The following TDRD3 variants were observed in gnomAD, a reference collection of about 807,000 sequenced individuals.
TDRD3 encodes the protein tudor domain-containing protein 3.
In TDRD3, 45 loss-of-function variants were observed where a neutral mutation model predicts 86.7. The ratio of observed to expected loss-of-function variants is 0.52; its 90% confidence interval spans 0.41 to 0.67. The LOEUF is 0.67. Ranked by LOEUF, TDRD3 falls within the 30% of genes least tolerant of loss-of-function variation. The pLI is 0.00. For synonymous variants in TDRD3, 298 were observed against 301.7 expected, an observed-to-expected ratio of 0.99 and a Z score of 0.13; for missense variants, 814 against 889.0, an observed-to-expected ratio of 0.92 and a Z score of 1.07.
chr13:60,512,637 C>T (rs1471819280), intron 10 of TDRD3, among the ~76,000 whole-genome samples: 1 of 152,142 alleles, frequency 6.6e-6, no homozygotes, highest in African/African-American at 2.4e-5. Context: ...AACAAAGGGG[C>T]TACAGGCCCC....
intron 1 of TDRD3, among the ~76,000 whole-genome samples, chr13:60,419,473 C>T (rs183229212): frequency 1.9e-4 from 29 of 152,238 alleles, no homozygotes; most frequent in African/African-American, 4.6e-4. Context: ...AGTTCATGTC[C>T]TTTGCAGGGA....
intron 13 of TDRD3, among the ~76,000 whole-genome samples, chr13:60,568,800 A>T (rs917804893): frequency 3.3e-5 from 5 of 152,236 alleles, no homozygotes; most frequent in African/African-American, 1.2e-4. Context: ...AGGAAGAGTC[A>T]AATTATTCTT....
intron 1 of TDRD3, among the ~76,000 whole-genome samples, chr13:60,429,869 G>T (rs981225177): frequency 2.0e-5 from 3 of 151,664 alleles, no homozygotes; most frequent in Admixed American, 6.6e-5. Context: ...CCAGATTTTT[G>T]AATATCATTA....
chr13:60,486,238 A>G (rs1956432661), intron 7 of TDRD3, among the ~76,000 whole-genome samples: 1 of 152,006 alleles, frequency 6.6e-6, no homozygotes, highest in African/African-American at 2.4e-5. Flanking sequence ...AACTGAACAC[A>G]CTTTTTATTC....
At position 60,460,554 on chromosome 13, in the gene TDRD3, T is replaced by G. The variant is rs1410811643; in HGVS notation, c.353+14T>G. On this transcript the variant is annotated intron_variant, in intron 4 of 13. Coordinates refer to ENST00000377881, the MANE Select transcript of TDRD3 (RefSeq NM_001146070.2). Reference sequence around the variant, plus strand: ...GTCAAAAATAAGGTGATTGGCACTTTATTTTGTGTATTTGTTACAGAATGT... The same window carrying G: ...GTCAAAAATAAGGTGATTGGCACTTGATTTTGTGTATTTGTTACAGAATGT... 2 of 1,526,088 alleles carry G rather than the reference T, an allele frequency of 1.3e-6. No homozygotes were observed. Among genetic ancestry groups the G allele is most frequent in the African/African-American group, 2.9e-5 (2 of 69,384 alleles). The allele number at this position is 1,526,088 out of a possible 1,614,324, so 94.5% of individuals were successfully genotyped here.
chr13:60,487,235 C>T (rs1315784313), intron 7 of TDRD3, among the ~76,000 whole-genome samples: 8 of 152,102 alleles, frequency 5.3e-5, no homozygotes, highest in African/African-American at 1.9e-4. Context: ...GTGGCTCATG[C>T]CTGTAACCCC....
At chr13:60,495,991 T>G (rs934309573) in intron 8 of TDRD3, among the ~76,000 whole-genome samples, 3 of 151,984 alleles carry the variant, frequency 2.0e-5, no homozygotes, top group African/African-American at 7.3e-5. Flanking sequence ...GTGAGGGTGT[T>G]GCCAAAGGAG....
At chr13:60,568,938 A>G (rs1213449457) in intron 13 of TDRD3, among the ~76,000 whole-genome samples, 7 of 152,226 alleles carry the variant, frequency 4.6e-5, no homozygotes, top group African/African-American at 2.4e-5. Context: ...TACTATTTCT[A>G]TATGTCAACC....
chr13:60,467,428 A>G (rs757021268), intron 5 of TDRD3, 49 bp downstream of exon 5: 24 of 1,594,872 alleles, frequency 1.5e-5, no homozygotes, highest in South Asian at 1.1e-5. Context: ...ACTCTTTTTT[A>G]TTGCATTAAA....
intron 12 of TDRD3, among the ~76,000 whole-genome samples, chr13:60,563,213 G>A (rs1308370365): frequency 6.8e-6 from 1 of 146,158 alleles, no homozygotes; most frequent in Non-Finnish European, 1.5e-5. Context: ...GGGTGACAGA[G>A]CAAGACTCCA....
intron 7 of TDRD3, among the ~76,000 whole-genome samples, chr13:60,491,539 G>C (rs1323100204): frequency 6.6e-6 from 1 of 152,164 alleles, no homozygotes; most frequent in Non-Finnish European, 1.5e-5. Context: ...GATAAAAACA[G>C]ACAATGCAGA....
intron 10 of TDRD3, among the ~76,000 whole-genome samples, chr13:60,519,197 A>T (rs1405512013): frequency 6.6e-6 from 1 of 152,140 alleles, no homozygotes; most frequent in East Asian, 1.9e-4. Context: ...TCGCTTATAC[A>T]TTTATTAACC....
intron 7 of TDRD3, among the ~76,000 whole-genome samples, chr13:60,493,059 C>G (rs1489130538): frequency 6.6e-6 from 1 of 151,360 alleles, no homozygotes; most frequent in Non-Finnish European, 1.5e-5. Context: ...GCTGGGACTA[C>G]AGGCGCCCGC....
intron 7 of TDRD3, 26 bp downstream of exon 7, chr13:60,485,974 T>A: frequency 6.3e-7 from 1 of 1,576,168 alleles, no homozygotes; most frequent in Non-Finnish European, 8.6e-7. Flanking sequence ...ATTACACGTT[T>A]TATTTCTTAT....
chr13:60,556,744 G>T lies in TDRD3; in HGVS notation c.2119-10781G>T, dbSNP rs533240329. On this transcript the variant is annotated intron_variant, in intron 12 of 13. Coordinates refer to ENST00000377881, the MANE Select transcript of TDRD3 (RefSeq NM_001146070.2). ...TCTTAGTACTAGGTTATGCAGAATG[G>T]TAACTACGAAAATGTATAAAGGAAA... Among the ~76,000 whole-genome samples the T allele has an allele frequency of 2.0e-5, 3 of 152,258 alleles. No individual in the cohort carries two copies. In the East Asian group the frequency reaches 5.8e-4, roughly 29 times the overall value.
At chr13:60,513,168 C>T (rs1244364826) in intron 10 of TDRD3, among the ~76,000 whole-genome samples, 4 of 152,204 alleles carry the variant, frequency 2.6e-5, no homozygotes, top group Non-Finnish European at 4.4e-5. Flanking sequence ...GAGGCATGCA[C>T]CATCTGCAGT....
intron 1 of TDRD3, among the ~76,000 whole-genome samples, chr13:60,425,626 A>G (rs969352770): frequency 1.3e-5 from 2 of 152,196 alleles, no homozygotes; most frequent in Admixed American, 1.3e-4. Context: ...ATCGATGGAA[A>G]AATGAATAAA....
chr13:60,461,128 A>G (rs1218189521), intron 4 of TDRD3: 3 of 152,182 alleles, frequency 2.0e-5, no homozygotes, highest in Admixed American at 1.3e-4. Context: ...AGGTCACTCA[A>G]TTGTTAGAAC....
chr13:60,455,444 A>T (rs1272970059), intron 3 of TDRD3, among the ~76,000 whole-genome samples: 2 of 151,926 alleles, frequency 1.3e-5, no homozygotes, highest in Non-Finnish European at 2.9e-5. Flanking sequence ...TTAGTCAAAA[A>T]CCTCCCTTGA....
Sources: allele counts gnomAD v4.1 joint callset (sites outside exome capture counted in the v4.1 genomes callset), GRCh38; gene constraint gnomAD v4.1.1; transcripts MANE v1.5; gene names NCBI Gene and HGNC (gene_info 2026-07-23, HGNC 2026-07-21).